ASTN2: variants seen among roughly 807,000 people sequenced by gnomAD.
The protein encoded by ASTN2 is astrotactin 2, also known as astrotactin-2.
In ASTN2, 54 loss-of-function variants were observed where a neutral mutation model predicts 139.8. The ratio of observed to expected loss-of-function variants is 0.39; its 90% CI spans 0.31 to 0.48. The LOEUF (loss-of-function observed/expected upper bound fraction) is 0.48, where lower values mean the gene tolerates loss of function less well. ASTN2 is among the 20% of genes least tolerant of loss of function. The pLI, the probability that ASTN2 is intolerant of heterozygous loss-of-function variation, is 0.95. For missense variants in ASTN2, 1,565 were observed against 1,725.1 expected (o/e 0.91, Z 1.64); for synonymous variants, 756 against 719.5 (o/e 1.05, Z -0.81).
Position 117,008,130 on chromosome 9 carries a change from G to C in ASTN2, c.1553C>G (p.Thr518Arg). 1 of 1,608,554 alleles carries C rather than the reference G, an allele frequency of 6.2e-7. No homozygotes were observed. Among genetic ancestry groups the C allele is most frequent in the Non-Finnish European group, 8.5e-7 (1 of 1,177,324 alleles). The change falls in exon 7 of 23, where the codon ACG becomes AGG. Residue 518 changes from threonine (T) to arginine (R), a missense_variant. Physicochemically the swap from Thr to Arg is moderately conservative, Grantham distance 71 (BLOSUM62 -1). Around this residue, in one of 4 missense-constraint regions of ASTN2, gnomAD observed 503 missense variants for 591.7 expected, o/e 0.85. Coordinates refer to ENST00000313400, the MANE Select transcript of ASTN2 (RefSeq NM_001365068.1). ...GCAGAGCTGCTCACAGGCATCTGTC[G>C]TCCTTTGTCCACAGAGGTCCCTCAC... ...PWVRDLCGQRTTDACEQLCDP... is the reference protein window; with the variant it reads ...PWVRDLCGQRRTDACEQLCDP...
At chr9:117,387,040 C>A (rs1381658308) in intron 1 of ASTN2, among the ~76,000 whole-genome samples, 2 of 152,180 alleles carry the variant, frequency 1.3e-5, no homozygotes, top group African/African-American at 4.8e-5. Context: ...AGTCTACACC[C>A]TGTTGATCTC....
At chr9:117,003,255 C>A (rs1837242092) in intron 7 of ASTN2, among the ~76,000 whole-genome samples, 1 of 152,122 alleles carries the variant, frequency 6.6e-6, no homozygotes, top group Non-Finnish European at 1.5e-5. Flanking sequence ...GTGTTCAGAG[C>A]CTTGCTGCAA....
At chr9:116,468,513 A>G (rs1848718902) in intron 20 of ASTN2, among the ~76,000 whole-genome samples, 1 of 152,112 alleles carries the variant, frequency 6.6e-6, no homozygotes, top group Non-Finnish European at 1.5e-5. Context: ...ACCCTCTGTT[A>G]ATCTGACACT....
At chr9:116,974,971 C>T (rs1006642911) in intron 10 of ASTN2, among the ~76,000 whole-genome samples, 31 of 152,188 alleles carry the variant, frequency 2.0e-4, no homozygotes, top group African/African-American at 6.0e-4. Context: ...GATAATGCAT[C>T]AGCCTCTTTT....
At chr9:117,029,111 T>A (rs534715859) in intron 6 of ASTN2, among the ~76,000 whole-genome samples, 1 of 152,198 alleles carries the variant, frequency 6.6e-6, no homozygotes, top group Non-Finnish European at 1.5e-5. Flanking sequence ...AAGATGGTCA[T>A]ATAACCTCCC....
chr9:116,492,206 C>T (rs1009969396), intron 19 of ASTN2, among the ~76,000 whole-genome samples: 1 of 151,854 alleles, frequency 6.6e-6, no homozygotes, highest in Admixed American at 6.6e-5. Flanking sequence ...CTCAGCCTCC[C>T]GAGTAGCTGG....
At chr9:116,881,157 T>A (rs548466984) in intron 10 of ASTN2, among the ~76,000 whole-genome samples, 1 of 152,172 alleles carries the variant, frequency 6.6e-6, no homozygotes, top group Non-Finnish European at 1.5e-5. Context: ...GTGTGTTGCA[T>A]AAATACCCAT....
At chr9:116,655,971 G>A (rs1451409856) in intron 16 of ASTN2, among the ~76,000 whole-genome samples, 7 of 151,718 alleles carry the variant, frequency 4.6e-5, no homozygotes, top group Non-Finnish European at 1.0e-4. Context: ...CAAGCAATCT[G>A]CCCACCTCAG....
intron 3 of ASTN2, among the ~76,000 whole-genome samples, chr9:117,164,896 G>T (rs1588033234): frequency 1.3e-5 from 2 of 152,082 alleles, no homozygotes; most frequent in East Asian, 3.9e-4. Context: ...TGCATGGATG[G>T]ATCATCTTTC....
chr9:117,209,355 G>GA (rs774742045), intron 3 of ASTN2, among the ~76,000 whole-genome samples: 31 of 152,128 alleles, frequency 2.0e-4, no homozygotes, highest in Admixed American at 3.3e-4. Context: ...TGAAGGAACG[G>GA]AAAAATATAC....
intron 3 of ASTN2, among the ~76,000 whole-genome samples, chr9:117,212,827 C>T (rs1832183687): frequency 1.3e-5 from 2 of 152,140 alleles, no homozygotes; most frequent in South Asian, 4.1e-4. Context: ...AACTCATACA[C>T]TGTCATGCGA....
chr9:117,014,545 T>C (rs574929380), intron 6 of ASTN2, among the ~76,000 whole-genome samples: 1 of 152,258 alleles, frequency 6.6e-6, no homozygotes, highest in East Asian at 1.9e-4. Context: ...TCTTCTTTCC[T>C]TTTGCCTTGG....
intron 2 of ASTN2, among the ~76,000 whole-genome samples, chr9:117,273,701 A>C (rs963118041): frequency 6.6e-6 from 1 of 152,170 alleles, no homozygotes; most frequent in Non-Finnish European, 1.5e-5. Context: ...ATACCCTTTC[A>C]CATGGTGTTA....
At chr9:116,978,253 C>G (rs1375647668) in intron 7 of ASTN2, among the ~76,000 whole-genome samples, 1 of 152,098 alleles carries the variant, frequency 6.6e-6, no homozygotes. Flanking sequence ...GATTATAATT[C>G]TATGGAACAC....
chr9:116,745,961 T>A (rs115260156), intron 13 of ASTN2, among the ~76,000 whole-genome samples: 2,587 of 152,210 alleles, frequency 0.017, 81 homozygotes, highest in African/African-American at 0.059. Context: ...AGCAGAGATG[T>A]TTCTTTCTGG....
chr9:117,197,421 C>T (rs1170258564), intron 3 of ASTN2: 1 of 152,166 alleles, frequency 6.6e-6, no homozygotes, highest in African/African-American at 2.4e-5. Context: ...GCATGTGATC[C>T]AGCAGTACAG....
At chr9:116,650,539 A>G (rs1857849074) in intron 17 of ASTN2, among the ~76,000 whole-genome samples, 1 of 152,212 alleles carries the variant, frequency 6.6e-6, no homozygotes, top group African/African-American at 2.4e-5. Flanking sequence ...CCATTTTATA[A>G]GTAAAAAATG....
intron 4 of ASTN2, among the ~76,000 whole-genome samples, chr9:117,134,452 C>T (rs1334915193): frequency 6.6e-6 from 1 of 151,750 alleles, no homozygotes; most frequent in Non-Finnish European, 1.5e-5. Context: ...CTGTGGGATG[C>T]TGCTGGGAAA....
intron 6 of ASTN2, among the ~76,000 whole-genome samples, chr9:117,032,405 G>A (rs936912591): frequency 6.6e-6 from 1 of 152,162 alleles, no homozygotes; most frequent in Non-Finnish European, 1.5e-5. Flanking sequence ...CCACCCATAA[G>A]CATGTTCCAC....
Sources: gnomAD v4.1 joint callset for allele counts (sites outside exome capture counted in the v4.1 genomes callset) on GRCh38, gnomAD v4.1.1 for gene constraint, gnomAD v4.1.1 regional missense constraint, MANE v1.5 for transcripts, NCBI Gene and HGNC (gene_info 2026-07-23, HGNC 2026-07-21) for gene names.